The following LINGO2 variants were observed in gnomAD, a reference collection of about 807,000 sequenced individuals.
LINGO2 encodes leucine rich repeat and Ig domain containing 2.
A neutral mutation model predicts 30.6 loss-of-function variants in LINGO2; 14 were observed. The ratio of observed to expected loss-of-function variants is 0.46; its 90% CI spans 0.30 to 0.72. LINGO2 has a LOEUF of 0.72. Among genes scored for constraint, LINGO2 ranks in the 30% least tolerant of loss-of-function variants. LINGO2 has a pLI of 0.07. For missense variants in LINGO2, 729 were observed against 751.7 expected, an observed-to-expected ratio of 0.97 and a Z score of 0.35; for synonymous variants, 317 against 288.5, an observed-to-expected ratio of 1.10 and a Z score of -1.00.
intron 2 of LINGO2, among the ~76,000 whole-genome samples, chr9:28,421,207 A>G (rs10812815): frequency 0.12 from 18,832 of 151,912 alleles, 1,362 homozygotes; most frequent in East Asian, 0.24. Context: ...TAATAGCATC[A>G]AGAACAAGAA....
At chr9:28,497,165 C>T (rs4436213) in intron 1 of LINGO2, among the ~76,000 whole-genome samples, 107,631 of 151,942 alleles carry the variant, frequency 0.71, 38,201 homozygotes, top group South Asian at 0.76. Context: ...AGAAGTATCT[C>T]TGTGGCATTC....
At chr9:28,568,698 T>C (rs1357946059) in intron 1 of LINGO2, among the ~76,000 whole-genome samples, 1 of 110,780 alleles carries the variant, frequency 9.0e-6, no homozygotes. Context: ...ATATTGAAAA[T>C]GCTGAAAGAA....
At chr9:29,146,904 C>T in the LINGO2 span, among the ~76,000 whole-genome samples, 11 of 152,050 alleles carry the variant, frequency 7.2e-5, no homozygotes, top group Admixed American at 7.2e-4. Context: ...AAATATTTCT[C>T]AATATTAAAA....
chr9:28,872,391 G>A, the LINGO2 span, among the ~76,000 whole-genome samples: 2 of 151,848 alleles, frequency 1.3e-5, no homozygotes, highest in African/African-American at 4.8e-5. Context: ...ACATTTAACA[G>A]GAAAGATAAG....
intron 1 of LINGO2, among the ~76,000 whole-genome samples, chr9:28,663,124 G>T (rs1054150456): frequency 6.9e-6 from 1 of 144,860 alleles, no homozygotes; most frequent in Non-Finnish European, 1.5e-5. Flanking sequence ...CTTTTCTGCC[G>T]ACAAGTAGAT....
At chr9:28,510,906 G>C (rs1351495503) in intron 1 of LINGO2, among the ~76,000 whole-genome samples, 1 of 152,114 alleles carries the variant, frequency 6.6e-6, no homozygotes, top group Admixed American at 6.5e-5. Context: ...AGAACTTGGA[G>C]TCTGATGTTC....
chr9:28,807,887 TAGTA>T, the LINGO2 span, among the ~76,000 whole-genome samples: 1 of 151,992 alleles, frequency 6.6e-6, no homozygotes, highest in South Asian at 2.1e-4. Flanking sequence ...GTCTAACAAA[TAGTA>T]AGACCTCAGT....
At chr9:29,163,823 G>C in the LINGO2 span, among the ~76,000 whole-genome samples, 1 of 152,094 alleles carries the variant, frequency 6.6e-6, no homozygotes, top group Non-Finnish European at 1.5e-5. Context: ...GTAAGTCATA[G>C]TTTCCAAAGG....
chr9:27,985,375 G>A (rs1821076600), intron 5 of LINGO2, among the ~76,000 whole-genome samples: 1 of 151,878 alleles, frequency 6.6e-6, no homozygotes, highest in Non-Finnish European at 1.5e-5. Context: ...CAACATAAAA[G>A]GTTAGGATAT....
At chr9:29,031,229 T>C in the LINGO2 span, among the ~76,000 whole-genome samples, 8 of 149,556 alleles carry the variant, frequency 5.3e-5, no homozygotes, top group Non-Finnish European at 1.0e-4. Context: ...ATGTTTGTAA[T>C]AGCACATAGT....
Position 28,206,834 on chromosome 9 carries a change from T to G in LINGO2, c.-87+88374A>C, listed in dbSNP as rs564792483. On this transcript the variant is annotated intron_variant, in intron 4 of 5. Transcript: ENST00000379992. ...ATCTTCAATTACTAGGTTATACTGGTTCAATGGCTTAATTATTTCTCCCAA... is the reference window on the plus strand; with the variant it reads ...ATCTTCAATTACTAGGTTATACTGGGTCAATGGCTTAATTATTTCTCCCAA... Among the ~76,000 whole-genome samples, 5 of 152,260 alleles carry G rather than the reference T, an allele frequency of 3.3e-5. No homozygotes were observed. In the South Asian group the frequency reaches 1.0e-3, roughly 32 times the overall value.
chr9:28,536,433 T>C (rs1821439340), intron 1 of LINGO2, among the ~76,000 whole-genome samples: 1 of 152,074 alleles, frequency 6.6e-6, no homozygotes, highest in African/African-American at 2.4e-5. Flanking sequence ...GTAAAATCAC[T>C]GCAAAAATAT....
intron 4 of LINGO2, among the ~76,000 whole-genome samples, chr9:28,131,592 T>C (rs1287362017): frequency 6.6e-5 from 10 of 152,188 alleles, no homozygotes; most frequent in Admixed American, 6.5e-4. Flanking sequence ...AGATAGATTA[T>C]AGAAACCTAA....
chr9:28,881,430 T>C, the LINGO2 span, among the ~76,000 whole-genome samples: 1 of 152,122 alleles, frequency 6.6e-6, no homozygotes, highest in African/African-American at 2.4e-5. Context: ...GTCAGAATAT[T>C]CTATTTTAAA....
At chr9:28,433,949 C>CTATATATATATATATATATATATATATA (rs375073572) in intron 2 of LINGO2, among the ~76,000 whole-genome samples, 12 of 88,534 alleles carry the variant, frequency 1.4e-4, no homozygotes, top group African/African-American at 5.4e-4. Context: ...CTCTCTCTCT[C>CTATATATATATATATATATATATATATA]TATATATATA....
the LINGO2 span, among the ~76,000 whole-genome samples, chr9:28,915,733 A>G: frequency 6.6e-6 from 1 of 152,216 alleles, no homozygotes; most frequent in African/African-American, 2.4e-5. Flanking sequence ...ATTCTAACTG[A>G]AGGCCTAAGG....
At chr9:28,632,490 C>T (rs1826992413) in intron 1 of LINGO2, among the ~76,000 whole-genome samples, 1 of 150,220 alleles carries the variant, frequency 6.7e-6, no homozygotes, top group South Asian at 2.1e-4. Flanking sequence ...TCAGGGTTCT[C>T]TTAGAGAGAC....
chr9:29,073,051 C>T, the LINGO2 span, among the ~76,000 whole-genome samples: 158 of 151,586 alleles, frequency 1.0e-3, 2 homozygotes, highest in East Asian at 0.014. Context: ...CCCTCCAACC[C>T]CATCCTTGTG....
chr9:29,205,843 A>G, the LINGO2 span, among the ~76,000 whole-genome samples: 1 of 152,228 alleles, frequency 6.6e-6, no homozygotes, highest in Non-Finnish European at 1.5e-5. Flanking sequence ...ATTACAGAAT[A>G]GTTCCATTGT....
Sources: allele counts gnomAD v4.1 joint callset (sites outside exome capture counted in the v4.1 genomes callset), GRCh38; gene constraint gnomAD v4.1.1; transcripts MANE v1.5; gene names NCBI Gene and HGNC (gene_info 2026-07-23, HGNC 2026-07-21).